ATXN7L1: variants seen among roughly 807,000 people sequenced by gnomAD.
ATXN7L1 encodes the protein ataxin 7 like 1, also known as ataxin-7-like protein 1.
In ATXN7L1, 15 loss-of-function variants were observed where a neutral mutation model predicts 70.8. The observed-to-expected ratio is 0.21, with a 90% CI of 0.14 to 0.33. ATXN7L1 has a LOEUF of 0.33. Among genes scored for constraint, ATXN7L1 ranks in the 10% least tolerant of loss-of-function variants. The pLI is 1.00. For synonymous variants in ATXN7L1, 440 were observed against 445.1 expected (o/e 0.99, Z 0.14); for missense variants, 975 against 1,097.1 (o/e 0.89, Z 1.57).
At chr7:105,843,877 C>A (rs1285302852) in intron 2 of ATXN7L1, among the ~76,000 whole-genome samples, 1 of 152,192 alleles carries the variant, frequency 6.6e-6, no homozygotes, top group Non-Finnish European at 1.5e-5. Context: ...TGGTTTAAAA[C>A]CACAATTTGT....
chr7:105,784,434 A>C (rs956390714), intron 3 of ATXN7L1, among the ~76,000 whole-genome samples: 1 of 145,520 alleles, frequency 6.9e-6, no homozygotes, highest in African/African-American at 2.5e-5. Context: ...CTGACTGGCT[A>C]AACACACACA....
At chr7:105,868,829 T>A (rs1276328172) in intron 2 of ATXN7L1, among the ~76,000 whole-genome samples, 1 of 152,252 alleles carries the variant, frequency 6.6e-6, no homozygotes, top group Non-Finnish European at 1.5e-5. Flanking sequence ...TCTCATAGAA[T>A]GATACAGGAT....
chr7:105,658,884 C>T (rs979184312), intron 4 of ATXN7L1, among the ~76,000 whole-genome samples: 3 of 152,182 alleles, frequency 2.0e-5, no homozygotes, highest in African/African-American at 7.2e-5. Context: ...TGGCTCACGC[C>T]TGTAATCCCA....
At chr7:105,623,123 G>T (rs1795177564) in intron 8 of ATXN7L1, among the ~76,000 whole-genome samples, 2 of 152,314 alleles carry the variant, frequency 1.3e-5, no homozygotes, top group South Asian at 2.1e-4. Flanking sequence ...CAGGCTGATG[G>T]TGAGCCACAG....
chr7:105,716,715 A>ACT (rs1794603517), intron 3 of ATXN7L1, among the ~76,000 whole-genome samples: 1 of 136,350 alleles, frequency 7.3e-6, no homozygotes, highest in African/African-American at 2.7e-5. Flanking sequence ...ACACACACAC[A>ACT]CACACAGTAC....
chr7:105,722,560 TAAAAAAAAAA>T (rs56228890), intron 3 of ATXN7L1, among the ~76,000 whole-genome samples: 2 of 20,844 alleles, frequency 9.6e-5, no homozygotes, highest in African/African-American at 1.4e-4. Context: ...GACTCTGCCT[TAAAAAAAAAA>T]AAAAAAAAAA....
At chr7:105,760,798 A>C (rs1388635507) in intron 3 of ATXN7L1, 1 of 160,328 alleles carries the variant, frequency 6.2e-6, no homozygotes, top group Non-Finnish European at 1.3e-5. Flanking sequence ...GGGATGAAAG[A>C]AAATCACATG....
intron 7 of ATXN7L1, among the ~76,000 whole-genome samples, chr7:105,632,210 A>T (rs1270719031): frequency 6.6e-6 from 1 of 152,220 alleles, no homozygotes; most frequent in Non-Finnish European, 1.5e-5. Context: ...GAAGGAAACA[A>T]ACCTGGAAAA....
intron 3 of ATXN7L1, among the ~76,000 whole-genome samples, chr7:105,776,068 A>C (rs897533311): frequency 9.9e-5 from 15 of 152,110 alleles, no homozygotes; most frequent in African/African-American, 3.4e-4. Context: ...TTCCGAGATG[A>C]CCTTTTGAAT....
chr7:105,802,842 C>T (rs566981542), intron 2 of ATXN7L1, among the ~76,000 whole-genome samples: 15 of 152,270 alleles, frequency 9.9e-5, no homozygotes, highest in African/African-American at 2.4e-4. Context: ...AGGGCTCACA[C>T]AGTTTTGTTT....
intron 2 of ATXN7L1, among the ~76,000 whole-genome samples, chr7:105,872,944 G>C (rs1818489135): frequency 1.3e-5 from 2 of 151,892 alleles, no homozygotes; most frequent in South Asian, 4.2e-4. Flanking sequence ...CACGAGGTCA[G>C]GAGATCGAGA....
chr7:105,675,335 A>G (rs977312542), intron 3 of ATXN7L1, among the ~76,000 whole-genome samples: 2 of 152,184 alleles, frequency 1.3e-5, no homozygotes, highest in Non-Finnish European at 2.9e-5. Context: ...AAAGAAAAAT[A>G]TTTGAGGCTG....
intron 2 of ATXN7L1, among the ~76,000 whole-genome samples, chr7:105,818,191 G>A (rs528482195): frequency 4.6e-5 from 7 of 152,058 alleles, no homozygotes; most frequent in African/African-American, 1.4e-4. Context: ...TTTTTGAGAT[G>A]GGGGGTCTCA....
chr7:105,611,808 C>T (rs1287698378), intron 10 of ATXN7L1, among the ~76,000 whole-genome samples: 1 of 152,234 alleles, frequency 6.6e-6, no homozygotes, highest in Non-Finnish European at 1.5e-5. Flanking sequence ...CAATCTCATG[C>T]GTTGCCCCGA....
chr7:105,823,815 C>T (rs1422141253), intron 2 of ATXN7L1, among the ~76,000 whole-genome samples: 1 of 152,184 alleles, frequency 6.6e-6, no homozygotes, highest in Non-Finnish European at 1.5e-5. Context: ...TATGTGTCTA[C>T]AGAAAGGTGT....
intron 3 of ATXN7L1, among the ~76,000 whole-genome samples, chr7:105,744,724 C>G (rs1165920676): frequency 6.8e-6 from 1 of 147,872 alleles, no homozygotes; most frequent in Admixed American, 7.0e-5. Flanking sequence ...AGGATTAAAA[C>G]TCTTTCTTTA....
intron 2 of ATXN7L1, among the ~76,000 whole-genome samples, chr7:105,852,849 C>T (rs150035395): frequency 0.011 from 1,674 of 152,018 alleles, 9 homozygotes; most frequent in Non-Finnish European, 0.018. Context: ...AATATACATA[C>T]GATGAGATAT....
intron 3 of ATXN7L1, among the ~76,000 whole-genome samples, chr7:105,727,766 A>G (rs10275614): frequency 4.6e-5 from 4 of 86,966 alleles, no homozygotes; most frequent in African/African-American, 9.1e-5. Flanking sequence ...ATATATATAT[A>G]TATATATATA....
intron 3 of ATXN7L1, among the ~76,000 whole-genome samples, chr7:105,767,286 C>CGGGT (rs1222466516): frequency 2.6e-5 from 4 of 152,086 alleles, no homozygotes; most frequent in Non-Finnish European, 5.9e-5. Context: ...GGAGGCCCAC[C>CGGGT]GGGAGTTTCA....
Sources: gnomAD v4.1 joint callset for allele counts (sites outside exome capture counted in the v4.1 genomes callset) on GRCh38, gnomAD v4.1.1 for gene constraint, MANE v1.5 for transcripts, NCBI Gene and HGNC (gene_info 2026-07-23, HGNC 2026-07-21) for gene names.